Variants in GPR157 observed in about 807,000 individuals in gnomAD.
GPR157 encodes G-protein coupled receptor 157.
Under a neutral mutation model 23.5 loss-of-function variants are expected in GPR157, and 16 were observed. The ratio of observed to expected loss-of-function variants is 0.68; its 90% CI spans 0.46 to 1.04. The LOEUF is 1.04. GPR157 is among the 50% of genes least tolerant of loss of function. The pLI is 0.00. For synonymous variants in GPR157, 200 were observed against 221.5 expected (o/e 0.90, Z 0.86); for missense variants, 440 against 460.7 (o/e 0.96, Z 0.41).
In GPR157 at chr1:9,118,710, G is replaced by A. The variant is rs1350251434; in HGVS notation, c.384-7221C>T. Among the ~76,000 whole-genome samples, 1 of 152,154 alleles carries A rather than the reference G, an allele frequency of 6.6e-6. No homozygotes were observed. The highest frequency in any genetic ancestry group is 1.5e-5 in the Non-Finnish European group (1 of 68,038). On this transcript the variant is annotated intron_variant, in intron 1 of 3. Coordinates refer to ENST00000377411, the MANE Select transcript of GPR157 (RefSeq NM_024980.5). This position sits in a 1 kb window ranked among gnomAD's most constrained non-coding sequence, Gnocchi z 4.6. ...ATTAAGTTAAAATGCAGTCATCAGA[G>A]TGGAACCTAACCTAACAACCTCTGT... is the stretch of plus-strand genomic sequence containing the variant.
Position 9,128,983 on chromosome 1 carries a change from G to A in GPR157, c.45C>T (p.Arg15=), listed in dbSNP as rs1036911960. The change falls in exon 1 of 4, where the codon CGC becomes CGT. Residue 15 remains arginine (R), a synonymous_variant. Transcript: ENST00000377411. This position sits in a 1 kb window ranked among gnomAD's most constrained non-coding sequence, Gnocchi z 6.3. Reference sequence around the variant, plus strand: ...GTGCGCACGACAGCAGCACCACGGCGCGCTCCGACGGCACCAGCTCGGTGG... The same window carrying A: ...GTGCGCACGACAGCAGCACCACGGCACGCTCCGACGGCACCAGCTCGGTGG... ...PPPTELVPSE[R]AVVLLSCALS... The A allele has an allele frequency of 3.7e-5, 50 of 1,366,916 alleles. No individual in the cohort carries two copies. The highest frequency in any genetic ancestry group is 4.4e-5 in the Non-Finnish European group (47 of 1,064,396). 84.7% of individuals were successfully genotyped at this position (1,366,916 alleles called of 1,614,324 possible).
chr1:9,122,762 C>T (rs1168047772), intron 1 of GPR157, among the ~76,000 whole-genome samples: 1 of 152,064 alleles, frequency 6.6e-6, no homozygotes, highest in African/African-American at 2.4e-5. Flanking sequence ...GGTGGGAGAA[C>T]TGTTTCAGAT....
rs1395629176 is a variant in GPR157, at chr1:9,111,380, C to T, written c.493G>A (p.Asp165Asn). The stretch of plus-strand genomic sequence containing the variant: ...GTCAGCAGCATCCACAGGACATGGT[C>T]CTTGGCCTCCAGGTCGATCCAGCAC... ...GWCWIDLEAK[D>N]HVLWMLLTGK... The change falls in exon 2 of 4, where the codon GAC becomes AAC. Residue 165 changes from aspartate to asparagine, a missense_variant. Physicochemically the swap from Asp to Asn is conservative, Grantham distance 23 (BLOSUM62 1). Transcript: ENST00000377411. 3 of 1,614,218 alleles carry T rather than the reference C, an allele frequency of 1.9e-6. No individual in the cohort carries two copies. Among genetic ancestry groups the T allele is most frequent in the South Asian group, 2.2e-5 (2 of 91,084 alleles).
chr1:9,128,323 T>A lies in GPR157; in HGVS notation c.383+322A>T. ...GGCAGCAGAGACAGCCAGGACACAG[T>A]GAAGCAGGTCACAAGGGGCTCAGAG... On this transcript the variant is annotated intron_variant, in intron 1 of 3. Transcript: ENST00000377411. This position sits in a 1 kb window ranked among gnomAD's most constrained non-coding sequence, Gnocchi z 6.3. 1 of 599,258 alleles carries A rather than the reference T, an allele frequency of 1.7e-6. No homozygotes were observed. The highest frequency in any genetic ancestry group is 3.1e-6 in the Non-Finnish European group (1 of 319,210). 37.1% of individuals were successfully genotyped at this position (599,258 alleles called of 1,614,324 possible). A position where few individuals can be genotyped will look rare whatever the true frequency, so the allele number is the denominator to read the frequency against.
rs141184157 is a variant in GPR157 at position 9,104,515 on chromosome 1, G to T, written c.912C>A (p.Thr304=). 1.1e-4 allele frequency: 175 copies of T among 1,613,874 alleles called. No homozygotes were observed. The African/African-American group carries it at 2.0e-3, about 18-fold the overall frequency. ...CCTTGGGAGTGCCAGCCGGGCTCTTGGTGGGAGGCTGAGAAGAGCAGCAGC... is the reference window on the plus strand; with the variant it reads ...CCTTGGGAGTGCCAGCCGGGCTCTTTGTGGGAGGCTGAGAAGAGCAGCAGC... ...CCCCCSSQPP[T]KSPAGTPKAP... The change falls in exon 4 of 4, where the codon ACC becomes ACA. Residue 304 remains threonine (T), a synonymous_variant. Transcript: ENST00000377411.
chr1:9,114,950 A>C (rs1301562920), intron 1 of GPR157, among the ~76,000 whole-genome samples: 1 of 150,746 alleles, frequency 6.6e-6, no homozygotes, highest in Non-Finnish European at 1.5e-5. Context: ...AAAGAATAAA[A>C]GAATATGGGC....
chr1:9,121,596 C>T (rs368311993), intron 1 of GPR157, among the ~76,000 whole-genome samples: 10 of 152,170 alleles, frequency 6.6e-5, no homozygotes, highest in African/African-American at 2.2e-4. Flanking sequence ...GCCGAGATTG[C>T]GCCACTTCAC....
chr1:9,123,284 T>A (rs1569975856), intron 1 of GPR157, among the ~76,000 whole-genome samples: 4 of 26,326 alleles, frequency 1.5e-4, no homozygotes, highest in African/African-American at 5.5e-4. Context: ...AAATATATAT[T>A]TAAATTAATA....
rs930142117 is a variant in GPR157, at chr1:9,118,867, C to G, written c.384-7378G>C. ...TGGGCAACAAAGTGAGACCCTGTCT[C>G]TACAAAAAAATACATAAATTAGCCA... is the stretch of plus-strand genomic sequence containing the variant. On this transcript the variant is annotated intron_variant, in intron 1 of 3. Coordinates refer to ENST00000377411, the MANE Select transcript of GPR157 (RefSeq NM_024980.5). This position sits in a 1 kb window ranked among gnomAD's most constrained non-coding sequence, Gnocchi z 4.6. Among the ~76,000 whole-genome samples the G allele has an allele frequency of 2.0e-5, 3 of 151,928 alleles. No individual in the cohort carries two copies. The highest frequency in any genetic ancestry group is 4.4e-5 in the Non-Finnish European group (3 of 67,984).
At chr1:9,112,310 G>A (rs191973281) in intron 1 of GPR157, among the ~76,000 whole-genome samples, 306 of 152,374 alleles carry the variant, frequency 2.0e-3, no homozygotes, top group Non-Finnish European at 3.4e-3. Flanking sequence ...GGCTCTAGGA[G>A]GGGGAACGTG....
chr1:9,104,610 C>T lies in GPR157; in HGVS notation c.817G>A (p.Gly273Ser). 1 of 1,609,778 alleles carries T rather than the reference C, an allele frequency of 6.2e-7. No individual in the cohort carries two copies. Among genetic ancestry groups the T allele is most frequent in the Non-Finnish European group, 8.5e-7 (1 of 1,177,768 alleles). ...AGGACGAACATGATGCAGTTGGCAC[C>T]TCCCTGAAACGTGTTCCCGATACCC... ...LHGIGNTFQG[G>S]ANCIMFVLCT... Residue 273 changes from glycine to serine, a missense_variant, in exon 4 of 4, where the codon GGT (glycine) becomes AGT (serine). Coordinates refer to ENST00000377411, the MANE Select transcript of GPR157 (RefSeq NM_024980.5).
chr1:9,123,814 A>G (rs1239509069), intron 1 of GPR157, among the ~76,000 whole-genome samples: 2 of 137,924 alleles, frequency 1.5e-5, no homozygotes, highest in Non-Finnish European at 3.0e-5. Flanking sequence ...ATAATATTAA[A>G]TATATATACA....
intron 1 of GPR157, among the ~76,000 whole-genome samples, chr1:9,122,820 G>C (rs1325202042): frequency 1.3e-5 from 2 of 152,026 alleles, no homozygotes; most frequent in Admixed American, 1.3e-4. Flanking sequence ...TACAAGCCAA[G>C]ATTTTCCTTT....
chr1:9,124,318 T>C (rs1557701656), intron 1 of GPR157, among the ~76,000 whole-genome samples: 1 of 152,176 alleles, frequency 6.6e-6, no homozygotes, highest in Non-Finnish European at 1.5e-5. Flanking sequence ...CTCCTGATTA[T>C]TGTAAATACA....
At chr1:9,108,182 G>C (rs910298857) in intron 2 of GPR157, among the ~76,000 whole-genome samples, 15 of 152,316 alleles carry the variant, frequency 9.8e-5, no homozygotes, top group African/African-American at 3.6e-4. Flanking sequence ...CCAGCACCTG[G>C]TGTCTTGTGG....
chr1:9,112,053 T>C (rs1221519853), intron 1 of GPR157, among the ~76,000 whole-genome samples: 1 of 152,228 alleles, frequency 6.6e-6, no homozygotes, highest in Non-Finnish European at 1.5e-5. Flanking sequence ...CTGTCGTGAC[T>C]GTTGTGAGTC....
chr1:9,123,569 AT>A (rs1638884692), intron 1 of GPR157, among the ~76,000 whole-genome samples: 1 of 86,952 alleles, frequency 1.2e-5, no homozygotes, highest in Non-Finnish European at 2.2e-5. Context: ...ATTTAAATAT[AT>A]TTTAAATATA....
At chr1:9,125,966 C>T (rs927321793) in intron 1 of GPR157, among the ~76,000 whole-genome samples, 2 of 101,948 alleles carry the variant, frequency 2.0e-5, no homozygotes, top group Non-Finnish European at 3.7e-5. Flanking sequence ...TTGTATTCTG[C>T]CTTTTTTTTT....
chr1:9,123,311 ATATATTAAAAT>A, intron 1 of GPR157, among the ~76,000 whole-genome samples: 1 of 24,794 alleles, frequency 4.0e-5, no homozygotes, highest in African/African-American at 1.6e-4. Flanking sequence ...TAATTTAAAT[ATATATTAAAAT>A]ATATATATTT....
Sources: gnomAD v4.1 joint callset for allele counts (sites outside exome capture counted in the v4.1 genomes callset) on GRCh38, gnomAD v4.1.1 for gene constraint, Gnocchi (gnomAD v3.1) non-coding constraint, MANE v1.5 for transcripts, NCBI Gene and HGNC (gene_info 2026-07-23, HGNC 2026-07-21) for gene names.